The following ERCC1 variants were observed in gnomAD, a reference collection of about 807,000 sequenced individuals.
The protein encoded by ERCC1 is ERCC excision repair 1, endonuclease non-catalytic subunit.
A neutral mutation model predicts 37.6 loss-of-function variants in ERCC1; 36 were observed. The ratio of observed to expected loss-of-function variants is 0.96; its 90% CI spans 0.73 to 1.26. The LOEUF is 1.26. Among genes scored for constraint, ERCC1 ranks in the 50% most tolerant of loss-of-function variants. The pLI, the probability that ERCC1 is intolerant of heterozygous loss-of-function variation, is 0.00. For missense variants in ERCC1, 349 were observed against 376.5 expected (o/e 0.93, Z 0.60); for synonymous variants, 156 against 162.1 (o/e 0.96, Z 0.28).
chr19:45,429,807 CAG>C lies in ERCC1; in HGVS notation c.-7-6428_-7-6427del, dbSNP rs369127959. Among the ~76,000 whole-genome samples, 28 of 152,182 alleles carry C rather than the reference CAG, an allele frequency of 1.8e-4. No homozygotes were observed. The South Asian group carries it at 5.4e-3, about 29-fold the overall frequency. ...TTATTATCATTATTATTATTTGAGA[CAG>C]AGTCTCGCTCTGTCACCCAGGCTGT... On this transcript the variant is annotated intron_variant, in intron 1 of 8. Transcript: ENST00000423698.
At chr19:45,445,639 G>C (rs1257105822) in intron 1 of ERCC1, among the ~76,000 whole-genome samples, 1 of 152,170 alleles carries the variant, frequency 6.6e-6, no homozygotes, top group Non-Finnish European at 1.5e-5. Context: ...CAGATATGTG[G>C]CCTAAGCAAG....
At chr19:45,449,899 G>A (rs1226076576) in intron 1 of ERCC1, among the ~76,000 whole-genome samples, 1 of 152,142 alleles carries the variant, frequency 6.6e-6, no homozygotes, top group Non-Finnish European at 1.5e-5. Context: ...GGGAGGCAAA[G>A]GTTGCCGTGA....
In ERCC1 at chr19:45,408,090, C is replaced by A. The variant is rs1973456649; in HGVS notation, c.*1585G>T. On this transcript the variant is annotated 3_prime_UTR_variant, in exon 10 of 10. Transcript: ENST00000300853. ...AAAAAAATCAAAAAACCTTCCCTCT[C>A]CTGTTCCACTTAAGCCTCTGCCCTC... is the stretch of plus-strand genomic sequence containing the variant. The A allele has an allele frequency of 1.3e-5, 19 of 1,509,548 alleles. No individual in the cohort carries two copies. Among genetic ancestry groups the A allele is most frequent in the Non-Finnish European group, 1.5e-5 (17 of 1,118,146 alleles). 93.5% of individuals were successfully genotyped at this position (1,509,548 alleles called of 1,614,324 possible).
chr19:45,424,013 G>A (rs990867372), upstream of ERCC1: 3 of 1,051,820 alleles, frequency 2.9e-6, no homozygotes, highest in African/African-American at 5.0e-5. Flanking sequence ...GAGGTCGTGG[G>A]AGGAGAGAGA....
At chr19:45,413,652 T>C (rs762923224) in intron 9 of ERCC1, 25 bp downstream of exon 9, 1 of 1,614,224 alleles carries the variant, frequency 6.2e-7, no homozygotes, top group Non-Finnish European at 8.5e-7. Flanking sequence ...CCCCAACTCC[T>C]TGGGTTCTTT....
chr19:45,434,491 C>CA (rs1568597224), intron 1 of ERCC1, among the ~76,000 whole-genome samples: 3 of 151,686 alleles, frequency 2.0e-5, no homozygotes, highest in Admixed American at 6.6e-5. Context: ...AGCCCTATCT[C>CA]AAAAAAAAGA....
At chr19:45,448,799 C>T (rs1967025950) in intron 1 of ERCC1, among the ~76,000 whole-genome samples, 1 of 152,084 alleles carries the variant, frequency 6.6e-6, no homozygotes, top group Admixed American at 6.6e-5. Context: ...CACCCCGCCC[C>T]AGGAGAGATG....
intron 5 of ERCC1, 42 bp from the exon 6 acceptor site, chr19:45,416,939 T>A: frequency 6.7e-7 from 1 of 1,487,164 alleles, no homozygotes; most frequent in East Asian, 2.3e-5. Flanking sequence ...AAGCCAGGAA[T>A]TACAAAAATT....
rs552236256 is a variant in ERCC1 at position 45,429,697 on chromosome 19, C to T, written c.-7-6316G>A. On this transcript the variant is annotated intron_variant, in intron 1 of 8. Transcript: ENST00000423698. ...GATTTCTTGCATACTGTTCCCATTC[C>T]CTAGAATGTTCTTCCTTGCCTTCTC... 1.4e-4 allele frequency among the ~76,000 whole-genome samples: 22 copies of T among 152,198 alleles called. No homozygotes were observed. The East Asian group carries it at 3.3e-3, about 23-fold the overall frequency.
At chr19:45,418,368 T>C (rs932447549) in intron 5 of ERCC1, among the ~76,000 whole-genome samples, 4 of 151,390 alleles carry the variant, frequency 2.6e-5, no homozygotes, top group Admixed American at 6.6e-5. Flanking sequence ...AATCAATCAA[T>C]CAATCAATAA....
At position 45,409,542 on chromosome 19, in the gene ERCC1, TGCCC is replaced by T; in HGVS notation, c.*129_*132del. On this transcript the variant is annotated 3_prime_UTR_variant, in exon 10 of 10. Transcript: ENST00000300853. ...CTGAGGAACTAAAGAAAGCTGAAGG[TGCCC>T]ACCTGGGCCACCAGAAGGTGACACC... 6.3e-7 allele frequency: 1 copy of T among 1,576,540 alleles called. No homozygotes were observed.
chr19:45,433,441 G>A (rs1032529286), intron 1 of ERCC1, among the ~76,000 whole-genome samples: 1 of 151,980 alleles, frequency 6.6e-6, no homozygotes, highest in Non-Finnish European at 1.5e-5. Context: ...CACGAGAATC[G>A]CTTGAACCTG....
In ERCC1 at chr19:45,420,349, G is replaced by C. The variant is rs763725082; in HGVS notation, c.400C>G (p.Gln134Glu). ...CTGAGGAACAGGGCACAGGTGCTCT[G>C]GCCCAGCACATAGTCGGGAATTACG... ...GDVIPDYVLG[Q>E]STCALFLSLR... Residue 134 changes from glutamine (Q) to glutamate (E), a missense_variant, in exon 4 of 10, where the codon CAG (glutamine) becomes GAG (glutamate). Gln to Glu is a conservative substitution (Grantham distance 29, BLOSUM62 2). Coordinates refer to ENST00000300853, the MANE Select transcript of ERCC1 (RefSeq NM_001983.4). This position sits in a 1 kb window ranked among gnomAD's most constrained non-coding sequence, Gnocchi z 4.8. The C allele has an allele frequency of 6.2e-7, 1 of 1,613,266 alleles. No individual in the cohort carries two copies. The highest frequency in any genetic ancestry group is 1.7e-5 in the Admixed American group (1 of 59,952).
At chr19:45,445,118 G>C in intron 1 of ERCC1, among the ~76,000 whole-genome samples, 1 of 152,190 alleles carries the variant, frequency 6.6e-6, no homozygotes, top group East Asian at 1.9e-4. Context: ...CTGAGTTCAA[G>C]CAATTCTCCT....
chr19:45,413,335 T>C lies in ERCC1; in HGVS notation c.843+342A>G, dbSNP rs887521154. ...AGGCTGGAGCGTAGTAACATGCTTA[T>C]AGCTCACTGCAGCCTCAACCTCCTG... On this transcript the variant is annotated intron_variant, in intron 9 of 9. Transcript: ENST00000300853. 7.0e-6 allele frequency: 4 copies of C among 569,006 alleles called. No individual in the cohort carries two copies. In the African/African-American group the frequency reaches 7.5e-5, roughly 11 times the overall value. The allele number at this position is 569,006 out of a possible 1,614,324, so 35.2% of individuals were successfully genotyped here. A position where few individuals can be genotyped will look rare whatever the true frequency, so the allele number is the denominator to read the frequency against.
chr19:45,440,944 C>A (rs959699647), intron 1 of ERCC1, among the ~76,000 whole-genome samples: 9 of 152,158 alleles, frequency 5.9e-5, no homozygotes, highest in African/African-American at 2.2e-4. Flanking sequence ...GCCTTGCCCG[C>A]CTTGTCCAGG....
At chr19:45,425,385 T>C (rs1318189197), upstream of ERCC1, among the ~76,000 whole-genome samples, 1 of 151,994 alleles carries the variant, frequency 6.6e-6, no homozygotes, top group Non-Finnish European at 1.5e-5. Context: ...GTAAGATTTA[T>C]TTATTTATTT....
At position 45,408,881 on chromosome 19, in the gene ERCC1, G is replaced by C. The variant is rs895475604; in HGVS notation, c.*794C>G. On this transcript the variant is annotated 3_prime_UTR_variant, in exon 10 of 10. Transcript: ENST00000300853. ...GGAAGGGATGGAGCCAGAGGAGGGG[G>C]TGACAGTTGAGTCTCAGCCACAGGT... The C allele has an allele frequency of 1.2e-6, 2 of 1,614,184 alleles. No individual in the cohort carries two copies. Among genetic ancestry groups the C allele is most frequent in the Non-Finnish European group, 8.5e-7 (1 of 1,180,032 alleles).
chr19:45,437,560 A>G (rs2123593013), intron 1 of ERCC1, among the ~76,000 whole-genome samples: 1 of 152,336 alleles, frequency 6.6e-6, no homozygotes, highest in Non-Finnish European at 1.5e-5. Flanking sequence ...GACAACATGG[A>G]TGGAACTGGA....
Sources: allele counts gnomAD v4.1 joint callset (sites outside exome capture counted in the v4.1 genomes callset), GRCh38; gene constraint gnomAD v4.1.1; non-coding constraint Gnocchi (gnomAD v3.1); transcripts MANE v1.5; gene names NCBI Gene and HGNC (gene_info 2026-07-23, HGNC 2026-07-21).